BTBD16: variants seen among roughly 807,000 people sequenced by gnomAD.
The protein encoded by BTBD16 is BTB/POZ domain-containing protein 16.
BTBD16 carries 66 observed loss-of-function variants against 67.4 expected under a neutral mutation model. The ratio of observed to expected loss-of-function variants is 0.98; its 90% CI spans 0.80 to 1.20. The LOEUF is 1.20. BTBD16 is among the 50% of genes most tolerant of loss of function. The pLI, the probability that BTBD16 is intolerant of heterozygous loss-of-function variation, is 0.00. For synonymous variants in BTBD16, 242 were observed against 236.4 expected, an observed-to-expected ratio of 1.02 and a Z score of -0.22; for missense variants, 634 against 616.0, an observed-to-expected ratio of 1.03 and a Z score of -0.31.
At chr10:122,292,574 C>T (rs1440509596) in intron 7 of BTBD16, among the ~76,000 whole-genome samples, 1 of 152,246 alleles carries the variant, frequency 6.6e-6, no homozygotes, top group African/African-American at 2.4e-5. Flanking sequence ...CTGACCCTCC[C>T]TTCAATGGCA....
At chr10:122,278,083 C>A (rs756280330) in intron 3 of BTBD16, among the ~76,000 whole-genome samples, 2 of 152,208 alleles carry the variant, frequency 1.3e-5, no homozygotes, top group Non-Finnish European at 2.9e-5. Flanking sequence ...AACACTTTTC[C>A]GTTGCCGAGT....
intron 10 of BTBD16, among the ~76,000 whole-genome samples, chr10:122,314,583 G>A (rs11814598): frequency 1.7e-4 from 26 of 152,226 alleles, no homozygotes; most frequent in African/African-American, 5.5e-4. Flanking sequence ...CTCATCTTCC[G>A]TTGTATTTAT....
At chr10:122,314,681 A>G (rs2142105700) in intron 10 of BTBD16, among the ~76,000 whole-genome samples, 1 of 152,274 alleles carries the variant, frequency 6.6e-6, no homozygotes, top group South Asian at 2.1e-4. Context: ...TGATATATAG[A>G]AGTACAATAG....
chr10:122,327,454 C>T lies in BTBD16; in HGVS notation c.912-2026C>T, dbSNP rs113584535. ...CTGTCAGCTTTACTCCTCCCTTCTC[C>T]CCAAGGCACCACCTGTGGCTACTGC... On this transcript the variant is annotated intron_variant, in intron 10 of 15. Coordinates refer to ENST00000260723, the MANE Select transcript of BTBD16 (RefSeq NM_144587.5). 355 of 324,772 alleles carry T rather than the reference C, an allele frequency of 1.1e-3. 1 individual carries two copies. Among genetic ancestry groups the T allele is most frequent in the African/African-American group, 5.6e-3 (248 of 44,358 alleles). 20.1% of individuals were successfully genotyped at this position (324,772 alleles called of 1,614,324 possible). A position where few individuals can be genotyped will look rare whatever the true frequency, so the allele number is the denominator to read the frequency against.
rs138649291 is a variant in BTBD16 at position 122,273,975 on chromosome 10, C to T, written c.-42-1065C>T. On this transcript the variant is annotated intron_variant, in intron 1 of 15. Coordinates refer to ENST00000260723, the MANE Select transcript of BTBD16 (RefSeq NM_144587.5). ...ACTGCTGTCTCTCAGAAACGGCTAA[C>T]GCCTCTCTCCATATGGCGACTGCAC... 3.9e-5 allele frequency among the ~76,000 whole-genome samples: 6 copies of T among 152,338 alleles called. No homozygotes were observed. The East Asian group carries it at 9.6e-4, about 24-fold the overall frequency.
At chr10:122,320,421 T>C (rs1305596250) in intron 10 of BTBD16, among the ~76,000 whole-genome samples, 1 of 152,156 alleles carries the variant, frequency 6.6e-6, no homozygotes, top group Non-Finnish European at 1.5e-5. Flanking sequence ...TTTTATTTTA[T>C]CAAATGTTTA....
rs201975620 is a variant in BTBD16 at position 122,307,167 on chromosome 10, T to C, written c.792-22T>C. 5.3e-5 allele frequency: 84 copies of C among 1,573,042 alleles called. No individual in the cohort carries two copies. In the African/African-American group the frequency reaches 9.5e-4, roughly 18 times the overall value. On this transcript the variant is annotated intron_variant, in intron 9 of 15. Transcript: ENST00000260723. ...TTTGTGCTATTTCTGAAATTTCTTC[T>C]CAATCTTTTTATTTTGGCCAGGTTA...
intron 6 of BTBD16, among the ~76,000 whole-genome samples, chr10:122,290,686 G>A (rs1590058832): frequency 6.6e-6 from 1 of 152,048 alleles, no homozygotes; most frequent in African/African-American, 2.4e-5. Context: ...CAGACTCCAA[G>A]GAGAATCTGC....
chr10:122,299,070 G>A lies in BTBD16; in HGVS notation c.727G>A (p.Gly243Arg), dbSNP rs201182316. Reference protein sequence around the residue: ...WLEMNLVPLGGTQIHLHKIPQ... With the variant: ...WLEMNLVPLGRTQIHLHKIPQ... ...GGAAATGAACTTGGTTCCTCTAGGG[G>A]GGACGCAGATCCACCTCCACAAAAT... is the stretch of plus-strand genomic sequence containing the variant. Residue 243 changes from glycine (G) to arginine (R), a missense_variant, in exon 9 of 16, where the codon GGG becomes AGG. Gly to Arg is a moderately radical substitution (Grantham distance 125). Coordinates refer to ENST00000260723, the MANE Select transcript of BTBD16 (RefSeq NM_144587.5). The A allele has an allele frequency of 6.2e-7, 1 of 1,614,032 alleles. No homozygotes were observed. The highest frequency in any genetic ancestry group is 8.5e-7 in the Non-Finnish European group (1 of 1,179,984).
intron 10 of BTBD16, chr10:122,327,610 G>A (rs1016283136): frequency 6.1e-6 from 6 of 985,256 alleles, no homozygotes; most frequent in Non-Finnish European, 6.0e-6. Flanking sequence ...ATGACTCATG[G>A]CCTCTCCATG....
chr10:122,292,474 CA>C (rs1434494330), intron 7 of BTBD16, among the ~76,000 whole-genome samples: 4 of 152,244 alleles, frequency 2.6e-5, no homozygotes, highest in African/African-American at 7.2e-5. Context: ...ACTCGTAGGT[CA>C]GGGGGCCCCA....
At chr10:122,303,098 A>ATTG (rs2142086388) in intron 9 of BTBD16, among the ~76,000 whole-genome samples, 1 of 152,344 alleles carries the variant, frequency 6.6e-6, no homozygotes, top group Admixed American at 6.5e-5. Flanking sequence ...ACAAAACACA[A>ATTG]TTGTACTCAT....
At chr10:122,296,926 C>T (rs755960928) in intron 7 of BTBD16, among the ~76,000 whole-genome samples, 2 of 152,256 alleles carry the variant, frequency 1.3e-5, no homozygotes, top group African/African-American at 2.4e-5. Context: ...GGCACCTGCT[C>T]CTGCCCCAGG....
intron 9 of BTBD16, among the ~76,000 whole-genome samples, chr10:122,304,436 A>T (rs1375182456): frequency 6.6e-6 from 1 of 152,178 alleles, no homozygotes; most frequent in African/African-American, 2.4e-5. Flanking sequence ...TGAAAATGTC[A>T]ACGGGTTTAA....
intron 10 of BTBD16, among the ~76,000 whole-genome samples, chr10:122,316,800 T>C (rs1032864088): frequency 5.3e-4 from 80 of 152,038 alleles, no homozygotes; most frequent in Non-Finnish European, 3.8e-4. Context: ...CTTTTTTTTT[T>C]TTTTTGAAAC....
chr10:122,289,890 A>G lies in BTBD16; in HGVS notation c.386-19A>G. On this transcript the variant is annotated intron_variant, in intron 5 of 15. Coordinates refer to ENST00000260723, the MANE Select transcript of BTBD16 (RefSeq NM_144587.5). The stretch of plus-strand genomic sequence containing the variant: ...ACGGTTATCACATCCTGCCATCATC[A>G]TCTCATTTCCTTTACTAGCTCAATC... 6.2e-7 allele frequency: 1 copy of G among 1,602,592 alleles called. No homozygotes were observed. Among genetic ancestry groups the G allele is most frequent in the Non-Finnish European group, 8.5e-7 (1 of 1,170,166 alleles).
At chr10:122,301,090 C>T (rs2142083036) in intron 9 of BTBD16, among the ~76,000 whole-genome samples, 1 of 152,242 alleles carries the variant, frequency 6.6e-6, no homozygotes, top group Non-Finnish European at 1.5e-5. Flanking sequence ...TAAAGTCATT[C>T]CGTGGTGTTC....
chr10:122,319,237 A>T (rs1448310448), intron 10 of BTBD16, among the ~76,000 whole-genome samples: 1 of 152,114 alleles, frequency 6.6e-6, no homozygotes, highest in African/African-American at 2.4e-5. Context: ...TTTGATGTTC[A>T]ATGTGTTGAC....
intron 2 of BTBD16, among the ~76,000 whole-genome samples, chr10:122,275,409 T>C (rs2096338428): frequency 6.6e-6 from 1 of 152,160 alleles, no homozygotes; most frequent in Non-Finnish European, 1.5e-5. Flanking sequence ...TTCCCAAACT[T>C]TATCCTACTT....
Sources: gnomAD v4.1 joint callset for allele counts (sites outside exome capture counted in the v4.1 genomes callset) on GRCh38, gnomAD v4.1.1 for gene constraint, MANE v1.5 for transcripts, NCBI Gene and HGNC (gene_info 2026-07-23, HGNC 2026-07-21) for gene names.